The following ADAMTS12 variants were observed in gnomAD, a reference collection of about 807,000 sequenced individuals.
The protein encoded by ADAMTS12 is A disintegrin and metalloproteinase with thrombospondin motifs 12.
In ADAMTS12, 118 loss-of-function variants were observed where a neutral mutation model predicts 167.8. That is an observed-to-expected ratio of 0.70 (90% CI 0.61 to 0.82). ADAMTS12 has a LOEUF of 0.82. Ranked by LOEUF, ADAMTS12 falls within the 40% of genes least tolerant of loss-of-function variation. The pLI is 0.00. For synonymous variants in ADAMTS12, 704 were observed against 716.9 expected (o/e 0.98, Z 0.29); for missense variants, 1,916 against 1,998.8 (o/e 0.96, Z 0.79).
chr5:33,556,290 C>T (rs978922195), intron 20 of ADAMTS12, among the ~76,000 whole-genome samples: 6 of 152,186 alleles, frequency 3.9e-5, no homozygotes, highest in Non-Finnish European at 7.3e-5. Context: ...AAGTCAGACC[C>T]CTCTGGGATT....
In ADAMTS12 at chr5:33,812,428, T is replaced by C. The variant is rs76219767; in HGVS notation, c.490-60880A>G. ...GAACACATTTTAAGTGGGCAGCTCG[T>C]TGAATTTGTACACAGAGAACATACC... On this transcript the variant is annotated intron_variant, in intron 2 of 23. Transcript: ENST00000504830. Among the ~76,000 whole-genome samples, 621 of 152,314 alleles carry C rather than the reference T, an allele frequency of 4.1e-3. 6 individuals carry two copies. Among genetic ancestry groups the C allele is most frequent in the African/African-American group, 0.015 (605 of 41,572 alleles).
At chr5:33,602,402 C>A (rs1738233378) in intron 16 of ADAMTS12, among the ~76,000 whole-genome samples, 1 of 152,160 alleles carries the variant, frequency 6.6e-6, no homozygotes, top group South Asian at 2.1e-4. Flanking sequence ...GATCCTCATT[C>A]TAGAGTATCC....
At position 33,798,766 on chromosome 5, in the gene ADAMTS12, T is replaced by C. The variant is rs919809043; in HGVS notation, c.490-47218A>G. Among the ~76,000 whole-genome samples the C allele has an allele frequency of 8.5e-5, 13 of 152,288 alleles. No homozygotes were observed. The East Asian group carries it at 1.7e-3, about 20-fold the overall frequency. On this transcript the variant is annotated intron_variant, in intron 2 of 23. Coordinates refer to ENST00000504830, the MANE Select transcript of ADAMTS12 (RefSeq NM_030955.4). The stretch of plus-strand genomic sequence containing the variant: ...CTTCTTATAAGAATTGTGGTTCTAT[T>C]GGATTAAGAGCTCACTCTTATGATC...
At chr5:33,775,527 C>T (rs1243048206) in intron 2 of ADAMTS12, among the ~76,000 whole-genome samples, 1 of 152,124 alleles carries the variant, frequency 6.6e-6, no homozygotes, top group Non-Finnish European at 1.5e-5. Flanking sequence ...GTGATATGAA[C>T]AAGGCGGTGG....
At chr5:33,838,203 AG>A (rs1298024670) in intron 2 of ADAMTS12, among the ~76,000 whole-genome samples, 3 of 152,226 alleles carry the variant, frequency 2.0e-5, no homozygotes, top group African/African-American at 7.2e-5. Flanking sequence ...AACACTTAAG[AG>A]CTGAAAGGAC....
chr5:33,531,238 C>G (rs1205426808), intron 23 of ADAMTS12, among the ~76,000 whole-genome samples: 1 of 152,208 alleles, frequency 6.6e-6, no homozygotes, highest in African/African-American at 2.4e-5. Context: ...TTTTGGACTT[C>G]TAGCCTCCAG....
At chr5:33,577,217 T>C in intron 18 of ADAMTS12, 57 bp from the exon 19 acceptor site, 1 of 1,610,322 alleles carries the variant, frequency 6.2e-7, no homozygotes, top group Non-Finnish European at 8.5e-7. Context: ...ATTCTCATGG[T>C]TAGGTCTATA....
chr5:33,567,422 CAGA>C, intron 19 of ADAMTS12, among the ~76,000 whole-genome samples: 1 of 152,218 alleles, frequency 6.6e-6, no homozygotes, highest in East Asian at 1.9e-4. Context: ...ACTATGTCGA[CAGA>C]AGAAGACAGT....
chr5:33,606,944 C>A lies in ADAMTS12; in HGVS notation c.2527+7294G>T, dbSNP rs139164277. ...TTAAGTAAGCTTTGTCAAAGGAATG[C>A]CAGTACAGTTCAATAACAGAAAATC... On this transcript the variant is annotated intron_variant, in intron 16 of 23. Transcript: ENST00000504830. 3.4e-4 allele frequency among the ~76,000 whole-genome samples: 51 copies of A among 152,180 alleles called. No homozygotes were observed. In the East Asian group the frequency reaches 9.1e-3, roughly 27 times the overall value.
At chr5:33,845,207 A>G (rs1250563594) in intron 2 of ADAMTS12, among the ~76,000 whole-genome samples, 3 of 152,248 alleles carry the variant, frequency 2.0e-5, no homozygotes, top group African/African-American at 7.2e-5. Context: ...GAACAGCAGC[A>G]CCTGATAGCA....
chr5:33,799,906 T>A (rs187156679), intron 2 of ADAMTS12, among the ~76,000 whole-genome samples: 1 of 152,168 alleles, frequency 6.6e-6, no homozygotes, highest in Non-Finnish European at 1.5e-5. Flanking sequence ...GAGACAAGGT[T>A]ATTAAATGAA....
intron 14 of ADAMTS12, among the ~76,000 whole-genome samples, chr5:33,619,887 G>T (rs113745294): frequency 0.015 from 2,228 of 152,208 alleles, 65 homozygotes; most frequent in African/African-American, 0.05. Flanking sequence ...TAGAGACAGG[G>T]TTTCACCACG....
chr5:33,703,039 C>T (rs1449115135), intron 3 of ADAMTS12, among the ~76,000 whole-genome samples: 2 of 152,136 alleles, frequency 1.3e-5, no homozygotes, highest in Non-Finnish European at 2.9e-5. Context: ...TACCTTGAAT[C>T]GTACCATTGA....
At chr5:33,600,318 C>CT (rs1360236663) in intron 16 of ADAMTS12, among the ~76,000 whole-genome samples, 1 of 152,136 alleles carries the variant, frequency 6.6e-6, no homozygotes, top group African/African-American at 2.4e-5. Flanking sequence ...TTCCTGTACT[C>CT]TAAACAGGAG....
intron 2 of ADAMTS12, among the ~76,000 whole-genome samples, chr5:33,860,543 G>A (rs896406015): frequency 6.6e-6 from 1 of 152,164 alleles, no homozygotes; most frequent in Admixed American, 6.5e-5. Context: ...TTTGATTGGT[G>A]TATCTGAAAG....
intron 3 of ADAMTS12, among the ~76,000 whole-genome samples, chr5:33,736,065 T>C (rs1744364064): frequency 6.6e-6 from 1 of 151,388 alleles, no homozygotes; most frequent in Non-Finnish European, 1.5e-5. Flanking sequence ...CTGTTTTTTT[T>C]TTTTCTTTTT....
chr5:33,631,434 C>T (rs764013643), intron 12 of ADAMTS12, among the ~76,000 whole-genome samples: 1 of 151,952 alleles, frequency 6.6e-6, no homozygotes, highest in Non-Finnish European at 1.5e-5. Flanking sequence ...ATATCCTCCT[C>T]CAGTCTAAGA....
chr5:33,612,274 G>T (rs754312704), intron 16 of ADAMTS12, among the ~76,000 whole-genome samples: 3 of 152,246 alleles, frequency 2.0e-5, no homozygotes, highest in Non-Finnish European at 4.4e-5. Flanking sequence ...CTAGGTAGGT[G>T]GAAGTGCTGC....
chr5:33,578,491 C>G (rs1324636049), intron 18 of ADAMTS12, among the ~76,000 whole-genome samples: 1 of 152,102 alleles, frequency 6.6e-6, no homozygotes, highest in African/African-American at 2.4e-5. Flanking sequence ...TAAAAGCTAT[C>G]CAAAGGCAGG....
Sources: allele counts gnomAD v4.1 joint callset (sites outside exome capture counted in the v4.1 genomes callset), GRCh38; gene constraint gnomAD v4.1.1; transcripts MANE v1.5; gene names NCBI Gene and HGNC (gene_info 2026-07-23, HGNC 2026-07-21).